The following PANK3 variants were observed in gnomAD, a reference collection of about 807,000 sequenced individuals.
PANK3 encodes the protein hPanK3.
In PANK3, 20 loss-of-function variants were observed where a neutral mutation model predicts 39.4. The ratio of observed to expected loss-of-function variants is 0.51; its 90% CI spans 0.36 to 0.74. The LOEUF is 0.74. Ranked by LOEUF, PANK3 falls within the 30% of genes least tolerant of loss-of-function variation. The probability of loss-of-function intolerance (pLI) is 0.00; values close to 1 mark genes in which losing one functional copy is unlikely to be tolerated. For synonymous variants in PANK3, 140 were observed against 157.3 expected (o/e 0.89, Z 0.82); for missense variants, 265 against 437.0 (o/e 0.61, Z 3.51).
chr5:168,569,704 A>G (rs959587273), intron 1 of PANK3, among the ~76,000 whole-genome samples: 6 of 152,160 alleles, frequency 3.9e-5, no homozygotes, highest in Non-Finnish European at 7.3e-5. Flanking sequence ...ATTTTAATAC[A>G]ATAAAACTGG....
Position 168,551,059 on chromosome 5 carries a change from C to T in PANK3, c.*6512G>A, listed in dbSNP as rs947131879. 3.3e-5 allele frequency: 5 copies of T among 152,240 alleles called. No individual in the cohort carries two copies. The highest frequency in any genetic ancestry group is 1.9e-4 in the East Asian group (1 of 5,186). The allele number at this position is 152,240 out of a possible 1,614,324, so 9.4% of individuals were successfully genotyped here. On this transcript the variant is annotated 3_prime_UTR_variant, in exon 7 of 7. Coordinates refer to ENST00000239231, the MANE Select transcript of PANK3 (RefSeq NM_024594.4). ...TGATTGATTTTCACACCACCATTAT[C>T]GTGAATGGGCTATCCAAATACTCTT...
chr5:168,563,217 A>C (rs892304470), intron 4 of PANK3, among the ~76,000 whole-genome samples: 1 of 152,208 alleles, frequency 6.6e-6, no homozygotes, highest in Non-Finnish European at 1.5e-5. Context: ...CCATAAAAGA[A>C]AAGACTGATA....
At chr5:168,578,665 G>A (rs1288247976) in intron 1 of PANK3, 2 of 152,186 alleles carry the variant, frequency 1.3e-5, no homozygotes, top group African/African-American at 4.8e-5. Context: ...CTCCGGGTGC[G>A]GGGAATACGG....
At chr5:168,560,537 TA>T (rs1423410634) in intron 5 of PANK3, among the ~76,000 whole-genome samples, 1 of 152,180 alleles carries the variant, frequency 6.6e-6, no homozygotes, top group Non-Finnish European at 1.5e-5. Context: ...AATATGTCAC[TA>T]GAATGAATGC....
chr5:168,558,934 T>C (rs1029769889), intron 6 of PANK3, 98 bp downstream of exon 6: 16 of 1,189,978 alleles, frequency 1.3e-5, no homozygotes, highest in East Asian at 1.0e-4. Context: ...CAGTAAGCCA[T>C]CATTGTGCCA....
intron 1 of PANK3, among the ~76,000 whole-genome samples, chr5:168,577,476 G>A (rs1432559937): frequency 6.6e-6 from 1 of 152,066 alleles, no homozygotes; most frequent in African/African-American, 2.4e-5. Context: ...TGGGACTACA[G>A]GCGTGTGCCA....
Position 168,561,519 on chromosome 5 carries a change from G to T in PANK3, c.813-3C>A. ...CCTTATAAATCATATTCCCAAAACT[G>T]CAGAAAAATGAAAAATAAAGTCAAA... On this transcript the variant is annotated splice_region_variant and splice_polypyrimidine_tract_variant and intron_variant, in intron 4 of 6. Coordinates refer to ENST00000239231, the MANE Select transcript of PANK3 (RefSeq NM_024594.4). The T allele has an allele frequency of 1.3e-6, 2 of 1,549,374 alleles. No individual in the cohort carries two copies. The highest frequency in any genetic ancestry group is 8.7e-7 in the Non-Finnish European group (1 of 1,150,938).
intron 1 of PANK3, among the ~76,000 whole-genome samples, chr5:168,569,224 G>T (rs1582466248): frequency 8.9e-6 from 1 of 112,486 alleles, no homozygotes. Context: ...TCGCTCTGTT[G>T]CCCAGGCTGG....
rs375352945 is a variant in PANK3 at position 168,563,051 on chromosome 5, T to A, written c.812+838A>T. 2.7e-4 allele frequency among the ~76,000 whole-genome samples: 41 copies of A among 152,122 alleles called. No homozygotes were observed. The South Asian group carries it at 8.3e-3, about 31-fold the overall frequency. On this transcript the variant is annotated intron_variant, in intron 4 of 6. Transcript: ENST00000239231. ...AAAAACCTGAAAAATGAAAGCATGA[T>A]CTGTAACTCACAAAATACCCTAAGA...
intron 3 of PANK3, among the ~76,000 whole-genome samples, chr5:168,564,450 T>C (rs79633132): frequency 0.012 from 1,856 of 152,300 alleles, 29 homozygotes; most frequent in East Asian, 0.023. Flanking sequence ...ATTTTTCTTT[T>C]GAGACAAGGT....
At position 168,553,491 on chromosome 5, in the gene PANK3, T is replaced by C. The variant is rs1413974246; in HGVS notation, c.*4080A>G. 1 of 367,606 alleles carries C rather than the reference T, an allele frequency of 2.7e-6. No individual in the cohort carries two copies. The highest frequency in any genetic ancestry group is 1.0e-3 in the Middle Eastern group (1 of 1,000). 22.8% of individuals were successfully genotyped at this position (367,606 alleles called of 1,614,324 possible). A position where few individuals can be genotyped will look rare whatever the true frequency, so the allele number is the denominator to read the frequency against. Reference sequence around the variant, plus strand: ...GAGTGCAACAGAAAGGAGCCAATCATATCACCATTGGGGAAGATGGCCACA... The same window carrying C: ...GAGTGCAACAGAAAGGAGCCAATCACATCACCATTGGGGAAGATGGCCACA... On this transcript the variant is annotated 3_prime_UTR_variant, in exon 7 of 7. Coordinates refer to ENST00000239231, the MANE Select transcript of PANK3 (RefSeq NM_024594.4).
chr5:168,566,527 G>A (rs917082699), intron 2 of PANK3, among the ~76,000 whole-genome samples: 2 of 152,148 alleles, frequency 1.3e-5, no homozygotes, highest in African/African-American at 4.8e-5. Context: ...GACTTGTGAT[G>A]CCAGACATCT....
chr5:168,568,102 C>T lies in PANK3; in HGVS notation c.381+544G>A, dbSNP rs569657067. ...ATAACTCAAACCAATACTCATAGTT[C>T]TCCTGCCAGATCCATTCAAATCACC... On this transcript the variant is annotated intron_variant, in intron 2 of 6. Coordinates refer to ENST00000239231, the MANE Select transcript of PANK3 (RefSeq NM_024594.4). Among the ~76,000 whole-genome samples, 3 of 152,206 alleles carry T rather than the reference C, an allele frequency of 2.0e-5. No individual in the cohort carries two copies. The South Asian group carries it at 6.2e-4, about 32-fold the overall frequency.
At chr5:168,559,219 TC>T (rs1759404192) in intron 5 of PANK3, 62 bp from the exon 6 acceptor site, 2 of 1,101,956 alleles carry the variant, frequency 1.8e-6, no homozygotes, top group African/African-American at 3.2e-5. Context: ...ATAAAAGGTT[TC>T]TAAATATTTA....
At chr5:168,568,408 A>T (rs1304486559) in intron 2 of PANK3, among the ~76,000 whole-genome samples, 1 of 152,238 alleles carries the variant, frequency 6.6e-6, no homozygotes, top group Non-Finnish European at 1.5e-5. Context: ...TTTTTATTGT[A>T]GCTTTGTAGT....
Position 168,548,932 on chromosome 5 carries a change from T to C in PANK3, c.*8639A>G, listed in dbSNP as rs1582457036. The C allele has an allele frequency of 6.6e-6, 1 of 152,318 alleles. No individual in the cohort carries two copies. The highest frequency in any genetic ancestry group is 1.5e-5 in the Non-Finnish European group (1 of 68,006). The allele number at this position is 152,318 out of a possible 1,614,324, so 9.4% of individuals were successfully genotyped here. ...CTTAGACTTGACAAGAATGATGTAATAGAATGAGGCAACTGAAACTGAAAT... is the reference window on the plus strand; with the variant it reads ...CTTAGACTTGACAAGAATGATGTAACAGAATGAGGCAACTGAAACTGAAAT... On this transcript the variant is annotated 3_prime_UTR_variant, in exon 7 of 7. Coordinates refer to ENST00000239231, the MANE Select transcript of PANK3 (RefSeq NM_024594.4).
chr5:168,553,107 G>A lies in PANK3; in HGVS notation c.*4464C>T. The A allele has an allele frequency of 7.0e-6, 3 of 429,832 alleles. No individual in the cohort carries two copies. Among genetic ancestry groups the A allele is most frequent in the African/African-American group, 2.2e-5 (1 of 46,282 alleles). The allele number at this position is 429,832 out of a possible 1,614,324, so 26.6% of individuals were successfully genotyped here. On this transcript the variant is annotated 3_prime_UTR_variant, in exon 7 of 7. Coordinates refer to ENST00000239231, the MANE Select transcript of PANK3 (RefSeq NM_024594.4). ...TGAGCAAAAACTTACGACTTCCAGG[G>A]CAAAATGGAAGGGCTACACTTTATA...
chr5:168,576,675 C>A (rs1328754211), intron 1 of PANK3, among the ~76,000 whole-genome samples: 4 of 151,840 alleles, frequency 2.6e-5, no homozygotes, highest in African/African-American at 4.8e-5. Context: ...AAGCCAAGGT[C>A]ACTTGTTTAG....
chr5:168,571,448 C>A (rs1759628995), intron 1 of PANK3, among the ~76,000 whole-genome samples: 1 of 152,072 alleles, frequency 6.6e-6, no homozygotes, highest in Non-Finnish European at 1.5e-5. Flanking sequence ...TACAAACTTG[C>A]CTGAGGTCAA....
Sources: allele counts gnomAD v4.1 joint callset (sites outside exome capture counted in the v4.1 genomes callset), GRCh38; gene constraint gnomAD v4.1.1; transcripts MANE v1.5; gene names NCBI Gene and HGNC (gene_info 2026-07-23, HGNC 2026-07-21).